SPOCK2: variants seen among roughly 807,000 people sequenced by gnomAD.
The protein encoded by SPOCK2 is SPARC (osteonectin), cwcv and kazal like domains proteoglycan 2, also known as testican-2.
In SPOCK2, 39 loss-of-function variants were observed where a neutral mutation model predicts 60.1. The observed-to-expected ratio is 0.65, with a 90% CI of 0.50 to 0.85. The LOEUF (loss-of-function observed/expected upper bound fraction) is 0.85, where lower values mean the gene tolerates loss of function less well. SPOCK2 is among the 40% of genes least tolerant of loss of function. The pLI is 0.00. For missense variants in SPOCK2, 523 were observed against 567.4 expected (o/e 0.92, Z 0.80); for synonymous variants, 217 against 231.5 (o/e 0.94, Z 0.57).
At chr10:72,070,168 G>T in intron 5 of SPOCK2, 144 bp downstream of exon 5, 1 of 696,490 alleles carries the variant, frequency 1.4e-6, no homozygotes, top group Non-Finnish European at 2.4e-6. Context: ...AGTATGGCTG[G>T]CTGCATTGAA....
At position 72,067,194 on chromosome 10, in the gene SPOCK2, T is replaced by A. The variant is rs570784272; in HGVS notation, c.710-74A>T. 34 of 1,428,528 alleles carry A rather than the reference T, an allele frequency of 2.4e-5. No homozygotes were observed. In the South Asian group the frequency reaches 4.1e-4, roughly 17 times the overall value. The allele number at this position is 1,428,528 out of a possible 1,614,324, so 88.5% of individuals were successfully genotyped here. A position where few individuals can be genotyped will look rare whatever the true frequency, so the allele number is the denominator to read the frequency against. On this transcript the variant is annotated intron_variant, in intron 7 of 10. Coordinates refer to ENST00000373109, the MANE Select transcript of SPOCK2 (RefSeq NM_001244950.2). Reference sequence around the variant, plus strand: ...TTCTCCAGCCCTCCATCTCTCCGCCTCGCCATCAGCCCCAGCCCTCTATTC... The same window carrying A: ...TTCTCCAGCCCTCCATCTCTCCGCCACGCCATCAGCCCCAGCCCTCTATTC...
chr10:72,064,334 C>G (rs1353300664), intron 8 of SPOCK2, 94 bp from the exon 9 acceptor site: 1 of 1,358,240 alleles, frequency 7.4e-7, no homozygotes, highest in East Asian at 2.7e-5. Flanking sequence ...GGCAGGGGCT[C>G]TGCAAGATGA....
In SPOCK2 at chr10:72,065,010, A is replaced by G. The variant is rs77312584; in HGVS notation, c.929-770T>C. ...CCCGCAAAGTGCTGGGATTACAGGC[A>G]TGAGCCACCGCGCCCAGCCTTATTT... On this transcript the variant is annotated intron_variant, in intron 8 of 10. Coordinates refer to ENST00000373109, the MANE Select transcript of SPOCK2 (RefSeq NM_001244950.2). 7.8e-4 allele frequency among the ~76,000 whole-genome samples: 97 copies of G among 124,176 alleles called. 12 individuals are homozygous for G. Among genetic ancestry groups the G allele is most frequent in the Middle Eastern group, 5.0e-3 (1 of 200 alleles). 81.5% of individuals were successfully genotyped at this position (124,176 alleles called of 152,430 possible). A position where few individuals can be genotyped will look rare whatever the true frequency, so the allele number is the denominator to read the frequency against.
rs554946211 is a variant in SPOCK2 at position 72,065,646 on chromosome 10, A to G, written c.928+1256T>C. 5.9e-5 allele frequency among the ~76,000 whole-genome samples: 9 copies of G among 152,358 alleles called. No individual in the cohort carries two copies. In the South Asian group the frequency reaches 1.7e-3, roughly 28 times the overall value. On this transcript the variant is annotated intron_variant, in intron 8 of 10. Coordinates refer to ENST00000373109, the MANE Select transcript of SPOCK2 (RefSeq NM_001244950.2). ...CCAAGCTGGAAGCCTGCCTGGTTGT[A>G]AAATGAGGACAGTTCCCGGCCTCCT...
intron 2 of SPOCK2, 83 bp from the exon 3 acceptor site, chr10:72,072,631 CTGGG>C: frequency 6.3e-7 from 1 of 1,589,242 alleles, no homozygotes; most frequent in Non-Finnish European, 8.6e-7. Flanking sequence ...GAGGAGAGGC[CTGGG>C]CCAGCGATGT....
chr10:72,066,992 C>T lies in SPOCK2; in HGVS notation c.838G>A (p.Val280Ile), dbSNP rs1158163023. The change falls in exon 8 of 11, where the codon GTC (valine) becomes ATC (isoleucine). Residue 280 changes from valine to isoleucine, a missense_variant. Transcript: ENST00000373109. ...LAAINLDKYE[V>I]CIRPFFNSCD... is the part of the protein sequence containing the mutation. The stretch of plus-strand genomic sequence containing the variant: ...GAGTTGAAGAAGGGACGGATGCAGA[C>T]CTCGTACTTGTCCAGGTTGATGGCG... 1 of 1,614,222 alleles carries T rather than the reference C, an allele frequency of 6.2e-7. No individual in the cohort carries two copies. The highest frequency in any genetic ancestry group is 1.7e-5 in the Admixed American group (1 of 60,026).
At position 72,081,793 on chromosome 10, in the gene SPOCK2, T is replaced by A. The variant is rs367672560; in HGVS notation, c.189+6347A>T. 1.4e-4 allele frequency among the ~76,000 whole-genome samples: 22 copies of A among 152,170 alleles called. No individual in the cohort carries two copies. The East Asian group carries it at 3.9e-3, about 27-fold the overall frequency. ...TTTGGGGTTCCGGAAGAGGAAGAGA[T>A]CTCCCCAAATCACCCACACAATCAG... On this transcript the variant is annotated intron_variant, in intron 1 of 10. Coordinates refer to ENST00000373109, the MANE Select transcript of SPOCK2 (RefSeq NM_001244950.2).
rs80305506 is a variant in SPOCK2, at chr10:72,080,844, C to T, written c.189+7296G>A. ...CTGGGCCTGGGCTCAGGTATGCCTG[C>T]GCCAACACCCACCTGCTGCCCGGGC... On this transcript the variant is annotated intron_variant, in intron 1 of 10. Transcript: ENST00000373109. Among the ~76,000 whole-genome samples the T allele has an allele frequency of 9.2e-3, 1,392 of 152,128 alleles. 27 individuals carry two copies. Among genetic ancestry groups the T allele is most frequent in the African/African-American group, 0.032 (1,333 of 41,486 alleles).
At chr10:72,067,458 C>T (rs1254338752) in intron 7 of SPOCK2, among the ~76,000 whole-genome samples, 155 bp downstream of exon 7, 4 of 151,836 alleles carry the variant, frequency 2.6e-5, no homozygotes, top group South Asian at 2.1e-4. Context: ...TGGTGGAAGC[C>T]GACTTCTTTG....
intron 1 of SPOCK2, among the ~76,000 whole-genome samples, chr10:72,077,224 G>A (rs1003792336): frequency 4.6e-5 from 7 of 152,054 alleles, no homozygotes; most frequent in South Asian, 4.2e-4. Flanking sequence ...AGGCTCAAGC[G>A]ATCCTCCCAC....
intron 2 of SPOCK2, 46 bp from the exon 3 acceptor site, chr10:72,072,594 A>G (rs762273963): frequency 8.1e-6 from 13 of 1,612,824 alleles, no homozygotes; most frequent in Non-Finnish European, 1.1e-5. Context: ...GCTAAGATCC[A>G]TATCCCAGAG....
intron 5 of SPOCK2, chr10:72,068,620 C>T (rs543924920): frequency 2.4e-4 from 77 of 321,856 alleles, no homozygotes; most frequent in Non-Finnish European, 3.6e-4. Context: ...CTGCCCCTGT[C>T]GCCCTTCCCC....
At chr10:72,063,720 T>C (rs1019239609) in intron 9 of SPOCK2, among the ~76,000 whole-genome samples, 1 of 152,268 alleles carries the variant, frequency 6.6e-6, no homozygotes, top group South Asian at 2.1e-4. Flanking sequence ...AGCTAAAGGG[T>C]TATGAGGCCA....
intron 1 of SPOCK2, among the ~76,000 whole-genome samples, chr10:72,073,540 C>T (rs371836094): frequency 6.6e-6 from 1 of 152,198 alleles, no homozygotes; most frequent in Non-Finnish European, 1.5e-5. Flanking sequence ...GGCAGAGGAC[C>T]CAGAAAGGGT....
intron 1 of SPOCK2, among the ~76,000 whole-genome samples, chr10:72,083,907 C>T (rs538091067): frequency 6.6e-6 from 1 of 152,326 alleles, no homozygotes; most frequent in Admixed American, 6.5e-5. Context: ...TACCCACAGA[C>T]GTCGGCGCAG....
At position 72,064,226 on chromosome 10, in the gene SPOCK2, C is replaced by A; in HGVS notation, c.943G>T (p.Ala315Ser). 1 of 1,604,234 alleles carries A rather than the reference C, an allele frequency of 6.2e-7. No homozygotes were observed. The highest frequency in any genetic ancestry group is 8.5e-7 in the Non-Finnish European group (1 of 1,176,474). ...CFWREKPPCL[A>S]ELERIQIQEA... ...TGGATCTGGATGCGCTCCAGCTCTG[C>A]CAGGCAGGGGGGCTCTGTGGGGAGA... The change falls in exon 9 of 11, where the codon GCA (alanine) becomes TCA (serine). Residue 315 changes from alanine to serine, a missense_variant. By Grantham distance (99) the Ala-to-Ser change is moderately conservative. Coordinates refer to ENST00000373109, the MANE Select transcript of SPOCK2 (RefSeq NM_001244950.2).
In SPOCK2 at chr10:72,059,247, C is replaced by G. The variant is rs1272482177; in HGVS notation, c.*3513G>C. ...ATGACTCACGGGACTCTTGAGTGCC[C>G]ATCAACGCACACGCACACAGTCTAA... On this transcript the variant is annotated 3_prime_UTR_variant, in exon 11 of 11. Coordinates refer to ENST00000373109, the MANE Select transcript of SPOCK2 (RefSeq NM_001244950.2). 6.6e-6 allele frequency: 1 copy of G among 152,646 alleles called. No homozygotes were observed. The highest frequency in any genetic ancestry group is 1.5e-5 in the Non-Finnish European group (1 of 68,060). 9.5% of individuals were successfully genotyped at this position (152,646 alleles called of 1,614,324 possible). A position where few individuals can be genotyped will look rare whatever the true frequency, so the allele number is the denominator to read the frequency against.
Position 72,088,203 on chromosome 10 carries a change from C to T in SPOCK2, c.126G>A (p.Glu42=), listed in dbSNP as rs752314591. Residue 42 remains glutamate, a synonymous_variant, in exon 1 of 11, where the codon GAG becomes GAA. Transcript: ENST00000373109. The part of the protein sequence containing the change: ...GETPGNFMED[E]QWLSSISQYS... ...ACTGCGAGATGGACGACAGCCATTG[C>T]TCGTCCTCCATGAAATTGCCGGGGG... 9.9e-6 allele frequency: 16 copies of T among 1,612,984 alleles called. No individual in the cohort carries two copies. In the South Asian group the frequency reaches 1.8e-4, roughly 18 times the overall value.
intron 6 of SPOCK2, 48 bp downstream of exon 6, chr10:72,068,139 A>T: frequency 1.3e-6 from 2 of 1,562,084 alleles, no homozygotes; most frequent in Non-Finnish European, 1.7e-6. Context: ...AGGAGGTGCC[A>T]GGTGGCCCTT....
Sources: allele counts gnomAD v4.1 joint callset (sites outside exome capture counted in the v4.1 genomes callset), GRCh38; gene constraint gnomAD v4.1.1; transcripts MANE v1.5; gene names NCBI Gene and HGNC (gene_info 2026-07-23, HGNC 2026-07-21).